Variants in GRID2 observed in about 807,000 individuals in gnomAD.
GRID2 encodes the protein glutamate ionotropic receptor delta type subunit 2.
A neutral mutation model predicts 114.8 loss-of-function variants in GRID2; 33 were observed. The ratio of observed to expected loss-of-function variants is 0.29; its 90% CI spans 0.22 to 0.38. The LOEUF (loss-of-function observed/expected upper bound fraction) is 0.38. Among genes scored for constraint, GRID2 ranks in the 10% least tolerant of loss-of-function variants. GRID2 has a pLI of 1.00. For missense variants in GRID2, 1,184 were observed against 1,257.7 expected (o/e 0.94, Z 0.89); for synonymous variants, 505 against 449.9 (o/e 1.12, Z -1.55).
downstream of GRID2, among the ~76,000 whole-genome samples, chr4:93,779,048 A>G (rs183851185): frequency 1.3e-5 from 2 of 152,244 alleles, no homozygotes; most frequent in East Asian, 1.9e-4. Flanking sequence ...ACTGATTACC[A>G]TATGTATGAA....
At chr4:93,307,373 T>A (rs1185305011) in intron 8 of GRID2, among the ~76,000 whole-genome samples, 1 of 151,850 alleles carries the variant, frequency 6.6e-6, no homozygotes, top group African/African-American at 2.4e-5. Flanking sequence ...AGCAAATGGC[T>A]TTAGCTTCTA....
chr4:92,736,675 T>C (rs2149328276), intron 2 of GRID2, among the ~76,000 whole-genome samples: 1 of 152,226 alleles, frequency 6.6e-6, no homozygotes, highest in South Asian at 2.1e-4. Flanking sequence ...CTCTCCATCT[T>C]AGACAACAAA....
intron 2 of GRID2, among the ~76,000 whole-genome samples, chr4:92,868,102 CTTTCTTTCTT>C (rs1745030995): frequency 6.8e-6 from 1 of 147,564 alleles, no homozygotes; most frequent in Admixed American, 6.8e-5. Context: ...CTTTCTTTCT[CTTTCTTTCTT>C]TTTTTAATGT....
At chr4:93,207,316 T>A (rs1319314518) in intron 4 of GRID2, 88 bp from the exon 5 acceptor site, 13 of 901,624 alleles carry the variant, frequency 1.4e-5, no homozygotes, top group Non-Finnish European at 2.2e-5. Context: ...TACGATTCAT[T>A]TTTTGTCATT....
At chr4:93,448,253 A>G (rs1722280146) in intron 10 of GRID2, among the ~76,000 whole-genome samples, 1 of 151,990 alleles carries the variant, frequency 6.6e-6, no homozygotes, top group African/African-American at 2.4e-5. Flanking sequence ...CTGGAAAAAA[A>G]GGAGTAAAAG....
At chr4:92,390,397 A>T (rs553397295) in intron 1 of GRID2, among the ~76,000 whole-genome samples, 1 of 152,298 alleles carries the variant, frequency 6.6e-6, no homozygotes, top group East Asian at 1.9e-4. Flanking sequence ...GTTAGTAATA[A>T]AATATAGAAA....
At chr4:93,788,372 G>A (rs1199624631) in intron 1 of GRID2, among the ~76,000 whole-genome samples, 1 of 151,802 alleles carries the variant, frequency 6.6e-6, no homozygotes, top group African/African-American at 2.4e-5. Context: ...ATTGAGAATT[G>A]GAGTCTCAGG....
chr4:93,620,990 TACA>T (rs1487959549), intron 13 of GRID2, among the ~76,000 whole-genome samples: 1 of 152,170 alleles, frequency 6.6e-6, no homozygotes, highest in Non-Finnish European at 1.5e-5. Flanking sequence ...TGATTCGTGT[TACA>T]ACAATTTTGT....
chr4:93,753,532 C>T (rs1183400980), intron 14 of GRID2, among the ~76,000 whole-genome samples: 1 of 152,058 alleles, frequency 6.6e-6, no homozygotes, highest in Non-Finnish European at 1.5e-5. Flanking sequence ...TGTGATGTTC[C>T]CCACCCTGTG....
At chr4:92,590,036 T>C (rs1050721555) in intron 1 of GRID2, 95 bp from the exon 2 acceptor site, 3 of 797,386 alleles carry the variant, frequency 3.8e-6, no homozygotes, top group African/African-American at 3.5e-5. Flanking sequence ...TGAAAGTATA[T>C]GTTTTTTAAA....
chr4:93,187,229 C>T (rs1205020080), intron 4 of GRID2, among the ~76,000 whole-genome samples: 1 of 152,148 alleles, frequency 6.6e-6, no homozygotes, highest in Admixed American at 6.5e-5. Context: ...TTATGTCCTT[C>T]TCACATGTAA....
chr4:92,592,714 G>A (rs1263473584), intron 2 of GRID2, among the ~76,000 whole-genome samples: 1 of 151,974 alleles, frequency 6.6e-6, no homozygotes, highest in Non-Finnish European at 1.5e-5. Context: ...TCAGCTTTGG[G>A]TAATAAACCT....
intron 2 of GRID2, among the ~76,000 whole-genome samples, chr4:92,726,426 T>C (rs1369100341): frequency 6.6e-6 from 1 of 152,220 alleles, no homozygotes; most frequent in Non-Finnish European, 1.5e-5. Flanking sequence ...ATATAGTCTT[T>C]TGTTAACTGA....
chr4:93,276,529 T>C (rs979454345), intron 8 of GRID2, among the ~76,000 whole-genome samples: 1 of 152,022 alleles, frequency 6.6e-6, no homozygotes, highest in Non-Finnish European at 1.5e-5. Context: ...TGGGAAGCAC[T>C]GTCATTTAAA....
intron 13 of GRID2, among the ~76,000 whole-genome samples, chr4:93,556,692 A>G (rs2149553724): frequency 6.6e-6 from 1 of 152,314 alleles, no homozygotes; most frequent in East Asian, 1.9e-4. Flanking sequence ...TATTATCCAG[A>G]ACTTCCCCAA....
intron 2 of GRID2, among the ~76,000 whole-genome samples, chr4:92,920,391 T>C (rs1378097550): frequency 6.6e-6 from 1 of 152,176 alleles, no homozygotes; most frequent in African/African-American, 2.4e-5. Context: ...CCTGTCATTA[T>C]GATGTTAGCT....
At chr4:92,771,639 T>G (rs1738551991) in intron 2 of GRID2, among the ~76,000 whole-genome samples, 1 of 152,220 alleles carries the variant, frequency 6.6e-6, no homozygotes, top group East Asian at 1.9e-4. Flanking sequence ...TTATGCAACT[T>G]TATTGGAATC....
intron 1 of GRID2, among the ~76,000 whole-genome samples, chr4:92,533,034 A>C (rs191582890): frequency 6.6e-6 from 1 of 152,226 alleles, no homozygotes; most frequent in East Asian, 1.9e-4. Flanking sequence ...TGAATGTACC[A>C]CTGCACTCCA....
chr4:93,257,514 T>C (rs1749729288), intron 8 of GRID2, among the ~76,000 whole-genome samples: 1 of 151,692 alleles, frequency 6.6e-6, no homozygotes, highest in Non-Finnish European at 1.5e-5. Context: ...ACTTTACAAA[T>C]ATTGAGATTG....
Sources: allele counts gnomAD v4.1 joint callset (sites outside exome capture counted in the v4.1 genomes callset), GRCh38; gene constraint gnomAD v4.1.1; transcripts MANE v1.5; gene names NCBI Gene and HGNC (gene_info 2026-07-23, HGNC 2026-07-21).